DEDD2: variants seen among roughly 807,000 people sequenced by gnomAD.
DEDD2 encodes death effector domain containing 2.
In DEDD2, 18 loss-of-function variants were observed where a neutral mutation model predicts 28.9. The observed-to-expected ratio is 0.62, with a 90% CI of 0.43 to 0.92. DEDD2 has a LOEUF of 0.92. DEDD2 is among the 40% of genes least tolerant of loss of function. The pLI is 0.00. For missense variants in DEDD2, 411 were observed against 463.3 expected (o/e 0.89, Z 1.04); for synonymous variants, 211 against 206.1 (o/e 1.02, Z -0.20).
intron 4 of DEDD2, among the ~76,000 whole-genome samples, chr19:42,208,285 G>A (rs535310263): frequency 2.1e-5 from 3 of 140,164 alleles, no homozygotes; most frequent in African/African-American, 2.6e-5. Flanking sequence ...CCAACCCATC[G>A]TGTCTACAGT....
At chr19:42,216,260 C>T (rs776649681) in intron 2 of DEDD2, among the ~76,000 whole-genome samples, 4 of 152,252 alleles carry the variant, frequency 2.6e-5, no homozygotes, top group Non-Finnish European at 5.9e-5. Context: ...ACCTTGTCAG[C>T]TCCATCATCC....
At chr19:42,210,556 G>A (rs1008030380) in intron 3 of DEDD2, among the ~76,000 whole-genome samples, 13 of 151,836 alleles carry the variant, frequency 8.6e-5, no homozygotes, top group African/African-American at 3.1e-4. Context: ...ACGACAACCG[G>A]CTAATTTTTT....
chr19:42,209,943 T>C, intron 3 of DEDD2, 103 bp from the exon 4 acceptor site: 2 of 1,382,320 alleles, frequency 1.4e-6, no homozygotes, highest in Non-Finnish European at 1.9e-6. Context: ...GCTGAGACCC[T>C]GAGTGAGCCA....
At chr19:42,211,427 C>CGGAGGGAGGGACGGAG (rs2035757265) in intron 3 of DEDD2, among the ~76,000 whole-genome samples, 2 of 57,716 alleles carry the variant, frequency 3.5e-5, no homozygotes, top group African/African-American at 1.3e-4. Flanking sequence ...GAGAGAGGGA[C>CGGAGGGAGGGACGGAG]GGAGGGAGGG....
intron 4 of DEDD2, among the ~76,000 whole-genome samples, chr19:42,204,162 A>C (rs369173422): frequency 6.6e-6 from 1 of 151,772 alleles, no homozygotes; most frequent in African/African-American, 2.4e-5. Flanking sequence ...GTGGGGGACC[A>C]GGGTGAAGTT....
intron 4 of DEDD2, among the ~76,000 whole-genome samples, chr19:42,208,298 G>C (rs1201951341): frequency 7.1e-6 from 1 of 141,268 alleles, no homozygotes; most frequent in African/African-American, 2.6e-5. Flanking sequence ...TCTACAGTCA[G>C]CCCTATGGCC....
Position 42,215,272 on chromosome 19 carries a change from G to A in DEDD2, c.329-20C>T. ...GAGACACTGGAGGAAGAGAAGAACA[G>A]GAAGAAGCATTCAGCCTCCTGGCCC... On this transcript the variant is annotated intron_variant, in intron 2 of 4. Transcript: ENST00000596251. The A allele has an allele frequency of 6.2e-7, 1 of 1,612,830 alleles. No homozygotes were observed. Among genetic ancestry groups the A allele is most frequent in the African/African-American group, 1.3e-5 (1 of 75,032 alleles).
chr19:42,209,864 G>C (rs2035686025), intron 3 of DEDD2, 24 bp from the exon 4 acceptor site: 4 of 1,506,600 alleles, frequency 2.7e-6, no homozygotes, highest in Non-Finnish European at 3.5e-6. Context: ...AATGGGGCAA[G>C]TTGAGGACCA....
intron 4 of DEDD2, among the ~76,000 whole-genome samples, chr19:42,204,807 G>C (rs2146863854): frequency 6.7e-6 from 1 of 149,668 alleles, no homozygotes; most frequent in Admixed American, 6.7e-5. Flanking sequence ...GGACAATGGT[G>C]GGAACCCTCC....
intron 2 of DEDD2, 90 bp downstream of exon 2, chr19:42,216,589 TG>T: frequency 7.8e-7 from 1 of 1,280,582 alleles, no homozygotes; most frequent in Non-Finnish European, 1.0e-6. Flanking sequence ...CTGCCTGATA[TG>T]GCACTGTCCG....
chr19:42,202,164 C>T (rs969965187), intron 4 of DEDD2: 7 of 398,346 alleles, frequency 1.8e-5, no homozygotes, highest in Non-Finnish European at 2.7e-5. Flanking sequence ...TACAGCCCTA[C>T]GACAAAGAAG....
In DEDD2 at chr19:42,199,978, G is replaced by C; in HGVS notation, c.590-149C>G. ...GACACAGCCTCCCCGGCTCTGTGGG[G>C]TTCCCTGACCAAGTACGTCCTCCTC... is the stretch of plus-strand genomic sequence containing the variant. On this transcript the variant is annotated intron_variant, in intron 4 of 4. Transcript: ENST00000596251. This position sits in a 1 kb window ranked among gnomAD's most constrained non-coding sequence, Gnocchi z 7.4. 8.0e-7 allele frequency: 1 copy of C among 1,252,370 alleles called. No individual in the cohort carries two copies. Among genetic ancestry groups the C allele is most frequent in the Admixed American group, 2.9e-5 (1 of 34,752 alleles). 77.6% of individuals were successfully genotyped at this position (1,252,370 alleles called of 1,614,324 possible).
chr19:42,211,276 T>C (rs2035749971), intron 3 of DEDD2, among the ~76,000 whole-genome samples: 1 of 151,842 alleles, frequency 6.6e-6, no homozygotes, highest in Non-Finnish European at 1.5e-5. Flanking sequence ...TCCCAGCTAC[T>C]TGGGAGGCTG....
At position 42,199,915 on chromosome 19, in the gene DEDD2, C is replaced by G. The variant is rs2035264062; in HGVS notation, c.590-86G>C. On this transcript the variant is annotated intron_variant, in intron 4 of 4. Coordinates refer to ENST00000596251, the MANE Select transcript of DEDD2 (RefSeq NM_133328.4). This position sits in a 1 kb window ranked among gnomAD's most constrained non-coding sequence, Gnocchi z 7.4. ...CGCCACCCTTCCTCCCTCCAGCCTT[C>G]TCCCTCCACCCCCTTCCGGTAGCCA... 1 of 1,476,280 alleles carries G rather than the reference C, an allele frequency of 6.8e-7. No individual in the cohort carries two copies. Among genetic ancestry groups the G allele is most frequent in the Non-Finnish European group, 9.0e-7 (1 of 1,107,898 alleles). 91.4% of individuals were successfully genotyped at this position (1,476,280 alleles called of 1,614,324 possible).
chr19:42,202,562 A>G (rs1224545501), intron 4 of DEDD2, among the ~76,000 whole-genome samples: 1 of 152,164 alleles, frequency 6.6e-6, no homozygotes, highest in Non-Finnish European at 1.5e-5. Context: ...AGCAATCTCC[A>G]TGCCCCCATT....
intron 4 of DEDD2, among the ~76,000 whole-genome samples, chr19:42,207,283 C>T (rs1022853857): frequency 2.0e-5 from 3 of 152,204 alleles, no homozygotes; most frequent in African/African-American, 7.2e-5. Flanking sequence ...TGCCCACTCC[C>T]TGGAGGGCCA....
chr19:42,207,162 C>T (rs548729020), intron 4 of DEDD2, among the ~76,000 whole-genome samples: 4 of 152,266 alleles, frequency 2.6e-5, no homozygotes, highest in African/African-American at 4.8e-5. Flanking sequence ...CAAACCCTGC[C>T]GCGCAAGCCC....
intron 1 of DEDD2, among the ~76,000 whole-genome samples, chr19:42,217,290 G>A (rs1316103716): frequency 6.6e-6 from 1 of 152,118 alleles, no homozygotes. Context: ...GCTCGCCTCC[G>A]GACCTGACCA....
At chr19:42,206,038 T>A (rs998933983) in intron 4 of DEDD2, among the ~76,000 whole-genome samples, 2 of 149,818 alleles carry the variant, frequency 1.3e-5, no homozygotes, top group African/African-American at 4.9e-5. Context: ...GAGCTGAGAC[T>A]GCGCCACTGT....
Sources: allele counts gnomAD v4.1 joint callset (sites outside exome capture counted in the v4.1 genomes callset), GRCh38; gene constraint gnomAD v4.1.1; non-coding constraint Gnocchi (gnomAD v3.1); transcripts MANE v1.5; gene names NCBI Gene and HGNC (gene_info 2026-07-23, HGNC 2026-07-21).